The following UGGT2 variants were observed in gnomAD, a reference collection of about 807,000 sequenced individuals.
UGGT2 encodes UDP-glucose:glycoprotein glucosyltransferase 2.
Under a neutral mutation model 192.1 loss-of-function variants are expected in UGGT2, and 180 were observed. The observed-to-expected ratio is 0.94, with a 90% CI of 0.83 to 1.06. The LOEUF is 1.06. Ranked by LOEUF, UGGT2 falls within the 50% of genes least tolerant of loss-of-function variation. UGGT2 has a pLI of 0.00. For missense variants in UGGT2, 1,849 were observed against 1,795.7 expected, an observed-to-expected ratio of 1.03 and a Z score of -0.54; for synonymous variants, 580 against 591.0, an observed-to-expected ratio of 0.98 and a Z score of 0.27.
At chr13:96,051,673 A>G (rs2053490778) in intron 1 of UGGT2, among the ~76,000 whole-genome samples, 1 of 152,096 alleles carries the variant, frequency 6.6e-6, no homozygotes, top group South Asian at 2.1e-4. Flanking sequence ...AAAGTGGGCT[A>G]AGGACATGAA....
intron 38 of UGGT2, among the ~76,000 whole-genome samples, chr13:95,806,619 T>C (rs919502621): frequency 3.3e-5 from 5 of 151,962 alleles, no homozygotes; most frequent in Non-Finnish European, 7.4e-5. Flanking sequence ...AGAAAAAAAA[T>C]TGGACTCACT....
intron 38 of UGGT2, among the ~76,000 whole-genome samples, chr13:95,827,860 T>A (rs953897801): frequency 3.3e-5 from 5 of 152,132 alleles, no homozygotes; most frequent in Non-Finnish European, 7.4e-5. Context: ...AAGAATTGCC[T>A]AAGCAGATCG....
chr13:96,033,892 G>A (rs1275229227), intron 1 of UGGT2, among the ~76,000 whole-genome samples: 1 of 152,212 alleles, frequency 6.6e-6, no homozygotes, highest in Non-Finnish European at 1.5e-5. Flanking sequence ...ATGGTAGATG[G>A]CAGGTTAATG....
At chr13:95,805,039 T>G (rs1477189383) in intron 38 of UGGT2, among the ~76,000 whole-genome samples, 2 of 152,068 alleles carry the variant, frequency 1.3e-5, no homozygotes, top group Non-Finnish European at 2.9e-5. Flanking sequence ...ATCATGTATC[T>G]GATAAGCCAT....
chr13:96,034,127 AGATAATGAGAT>A (rs1180208088), intron 1 of UGGT2, among the ~76,000 whole-genome samples: 4 of 152,174 alleles, frequency 2.6e-5, no homozygotes, highest in Non-Finnish European at 5.9e-5. Context: ...AAACTCAGGC[AGATAATGAGAT>A]GACCTGCCTG....
chr13:95,983,080 G>A (rs966005194), intron 10 of UGGT2, among the ~76,000 whole-genome samples: 1 of 152,118 alleles, frequency 6.6e-6, no homozygotes, highest in African/African-American at 2.4e-5. Flanking sequence ...AGCTTTTCTA[G>A]CTTCCCGCGC....
At chr13:95,946,212 T>C (rs1450105211) in intron 15 of UGGT2, among the ~76,000 whole-genome samples, 1 of 152,210 alleles carries the variant, frequency 6.6e-6, no homozygotes, top group African/African-American at 2.4e-5. Flanking sequence ...ATCAGGTTCT[T>C]ACCAATTTCT....
At chr13:95,803,880 C>T (rs2139722083) in intron 38 of UGGT2, among the ~76,000 whole-genome samples, 1 of 151,956 alleles carries the variant, frequency 6.6e-6, no homozygotes, top group East Asian at 1.9e-4. Context: ...GAAAAAAGGG[C>T]CAAGATGAAT....
chr13:95,907,188 T>C (rs1046980352), intron 20 of UGGT2, among the ~76,000 whole-genome samples: 1 of 152,194 alleles, frequency 6.6e-6, no homozygotes, highest in Non-Finnish European at 1.5e-5. Context: ...AACTGCAAGC[T>C]GGCAGCCTGG....
chr13:95,954,986 G>A (rs1415124129), intron 12 of UGGT2, among the ~76,000 whole-genome samples: 1 of 152,210 alleles, frequency 6.6e-6, no homozygotes, highest in African/African-American at 2.4e-5. Flanking sequence ...AACTTGTAAT[G>A]TGTAACAGTT....
chr13:95,868,211 C>T (rs1003823679), intron 29 of UGGT2, among the ~76,000 whole-genome samples: 1 of 152,154 alleles, frequency 6.6e-6, no homozygotes, highest in Non-Finnish European at 1.5e-5. Context: ...TCATGACTGA[C>T]ACGTCTTTGA....
At chr13:95,926,899 A>T in intron 19 of UGGT2, 129 bp downstream of exon 19, 1 of 811,794 alleles carries the variant, frequency 1.2e-6, no homozygotes. Context: ...AAATTTACAA[A>T]CTCTAAAATT....
chr13:95,907,807 G>A (rs1483232514), intron 20 of UGGT2, among the ~76,000 whole-genome samples: 1 of 152,196 alleles, frequency 6.6e-6, no homozygotes, highest in African/African-American at 2.4e-5. Context: ...CAACAGAAAA[G>A]CTGAAAATTC....
rs756958415 is a variant in UGGT2, at chr13:95,970,149, T to C, written c.1298A>G (p.Tyr433Cys). 6.2e-7 allele frequency: 1 copy of C among 1,609,986 alleles called. No homozygotes were observed. Among genetic ancestry groups the C allele is most frequent in the Non-Finnish European group, 8.5e-7 (1 of 1,176,494 alleles). ...ATGTCGAATATCTAATACATAAGTA[T>C]ATTCCCAAATGTGTGAATTTAATTT... ...FLKLNSHIWE[Y>C]TYVLDIRHSS... is the part of the protein sequence containing the mutation. Residue 433 changes from tyrosine to cysteine, a missense_variant, in exon 12 of 39, where the codon TAT (tyrosine) becomes TGT (cysteine). Transcript: ENST00000376747.
chr13:95,845,030 G>A (rs1333390246), intron 36 of UGGT2, among the ~76,000 whole-genome samples: 1 of 152,026 alleles, frequency 6.6e-6, no homozygotes, highest in Non-Finnish European at 1.5e-5. Flanking sequence ...ATGCTCTTTT[G>A]CATATAATTA....
chr13:95,936,924 C>A lies in UGGT2; in HGVS notation c.1977G>T (p.Leu659Phe). Residue 659 changes from leucine (L) to phenylalanine (F), a missense_variant and splice_region_variant, in exon 17 of 39, where the codon TTG (leucine) becomes TTT (phenylalanine). By Grantham distance (22) the Leu-to-Phe change is conservative. Transcript: ENST00000376747. ...TATTTTCTTATAAATGCTTACCTACCAAAAAAACTTCTCTTTGTAAATATA... is the reference window on the plus strand; with the variant it reads ...TATTTTCTTATAAATGCTTACCTACAAAAAAAACTTCTCTTTGTAAATATA... ...ASVYLQREVFLGTLNDRTNAI... is the reference protein window; with the variant it reads ...ASVYLQREVFFGTLNDRTNAI... 6.6e-7 allele frequency: 1 copy of A among 1,509,130 alleles called. No individual in the cohort carries two copies. The highest frequency in any genetic ancestry group is 8.8e-7 in the Non-Finnish European group (1 of 1,133,504). The allele number at this position is 1,509,130 out of a possible 1,614,324, so 93.5% of individuals were successfully genotyped here.
chr13:95,839,509 A>T (rs557623276), intron 36 of UGGT2, among the ~76,000 whole-genome samples: 1 of 152,244 alleles, frequency 6.6e-6, no homozygotes, highest in East Asian at 1.9e-4. Flanking sequence ...CACTATATGA[A>T]TTTACAACAT....
In UGGT2 at chr13:95,840,992, T is replaced by G. The variant is rs371676846; in HGVS notation, c.4285-3790A>C. On this transcript the variant is annotated intron_variant, in intron 36 of 38. Transcript: ENST00000376747. Reference sequence around the variant, plus strand: ...ACATGTTCTCACTCATAAGTGGGAGTTGAACAATGAGAACACATGGACACA... The same window carrying G: ...ACATGTTCTCACTCATAAGTGGGAGGTGAACAATGAGAACACATGGACACA... Among the ~76,000 whole-genome samples the G allele has an allele frequency of 5.3e-5, 8 of 151,508 alleles. No homozygotes were observed. In the East Asian group the frequency reaches 1.6e-3, roughly 30 times the overall value.
chr13:96,046,860 C>T (rs1566859169), intron 1 of UGGT2, among the ~76,000 whole-genome samples: 3 of 152,212 alleles, frequency 2.0e-5, no homozygotes, highest in Admixed American at 6.5e-5. Context: ...TCCACGGAGC[C>T]TCCCTCATTG....
Sources: allele counts gnomAD v4.1 joint callset (sites outside exome capture counted in the v4.1 genomes callset), GRCh38; gene constraint gnomAD v4.1.1; transcripts MANE v1.5; gene names NCBI Gene and HGNC (gene_info 2026-07-23, HGNC 2026-07-21).